The following SLC37A3 variants were observed in gnomAD, a reference collection of about 807,000 sequenced individuals.
SLC37A3 encodes the protein sugar phosphate exchanger 3.
In SLC37A3, 51 loss-of-function variants were observed where a neutral mutation model predicts 67.1. That is an observed-to-expected ratio of 0.76 (90% CI 0.61 to 0.96). The LOEUF is 0.96. SLC37A3 is among the 40% of genes least tolerant of loss of function. The pLI is 0.00. For synonymous variants in SLC37A3, 214 were observed against 231.4 expected, an observed-to-expected ratio of 0.92 and a Z score of 0.68; for missense variants, 508 against 603.0, an observed-to-expected ratio of 0.84 and a Z score of 1.65.
At chr7:140,395,710 A>AAAAT (rs1165927654) in intron 1 of SLC37A3, among the ~76,000 whole-genome samples, 73 of 152,142 alleles carry the variant, frequency 4.8e-4, no homozygotes, top group African/African-American at 1.1e-3. Context: ...TCTGTCTCAA[A>AAAAT]AAATAAATAA....
intron 5 of SLC37A3, among the ~76,000 whole-genome samples, chr7:140,361,811 C>T (rs372378832): frequency 0.036 from 5,198 of 142,692 alleles, 158 homozygotes; most frequent in South Asian, 0.065. Flanking sequence ...CTCGGCCTCC[C>T]GAGGTGCCGG....
chr7:140,367,351 C>T (rs1797643242), intron 4 of SLC37A3, among the ~76,000 whole-genome samples: 1 of 151,028 alleles, frequency 6.6e-6, no homozygotes, highest in Admixed American at 6.6e-5. Context: ...GCAGGAGAAT[C>T]ACTGGAACTA....
chr7:140,364,580 A>C (rs1797524998), intron 4 of SLC37A3, 89 bp from the exon 5 acceptor site: 1 of 1,199,074 alleles, frequency 8.3e-7, no homozygotes, highest in Admixed American at 2.1e-5. Flanking sequence ...AGACAAACAC[A>C]GATATTATTT....
intron 14 of SLC37A3, among the ~76,000 whole-genome samples, chr7:140,336,004 G>A (rs1348824800): frequency 6.6e-6 from 1 of 152,188 alleles, no homozygotes; most frequent in Non-Finnish European, 1.5e-5. Flanking sequence ...CACAGCAAGA[G>A]GACAGCTGCC....
chr7:140,387,666 ATATAT>A (rs1276350383), intron 1 of SLC37A3, among the ~76,000 whole-genome samples: 16 of 113,818 alleles, frequency 1.4e-4, no homozygotes, highest in East Asian at 1.1e-3. Flanking sequence ...ATAAATATAA[ATATAT>A]TATATATAAA....
At chr7:140,359,317 T>C (rs1416329032) in intron 5 of SLC37A3, among the ~76,000 whole-genome samples, 1 of 148,226 alleles carries the variant, frequency 6.7e-6, no homozygotes, top group Non-Finnish European at 1.5e-5. Context: ...CACTCCAGCC[T>C]GCGCGGGAGT....
chr7:140,337,480 C>T (rs1796189273), intron 13 of SLC37A3, 131 bp from the exon 14 acceptor site: 5 of 701,688 alleles, frequency 7.1e-6, no homozygotes, highest in African/African-American at 1.9e-5. Flanking sequence ...TTGCAGTTTA[C>T]AAAGCTCTTC....
At chr7:140,357,907 T>C in intron 6 of SLC37A3, among the ~76,000 whole-genome samples, 1 of 111,134 alleles carries the variant, frequency 9.0e-6, no homozygotes, top group South Asian at 2.8e-4. Flanking sequence ...CAAAACTCCA[T>C]CTCAAAAAAA....
At chr7:140,378,101 C>G (rs963926939) in intron 3 of SLC37A3, among the ~76,000 whole-genome samples, 14 of 152,158 alleles carry the variant, frequency 9.2e-5, no homozygotes, top group African/African-American at 1.2e-4. Flanking sequence ...TAAAGGCAGC[C>G]TTAGGCAGTA....
intron 6 of SLC37A3, among the ~76,000 whole-genome samples, 172 bp from the exon 7 acceptor site, chr7:140,355,936 T>C (rs184175179): frequency 6.6e-6 from 1 of 152,302 alleles, no homozygotes; most frequent in Non-Finnish European, 1.5e-5. Context: ...GGCTCACACC[T>C]GTAATCCCAG....
chr7:140,394,700 C>T (rs1798850283), intron 1 of SLC37A3, among the ~76,000 whole-genome samples: 1 of 151,036 alleles, frequency 6.6e-6, no homozygotes, highest in South Asian at 2.1e-4. Context: ...CCTCCGCCTC[C>T]CAGGTTCATG....
chr7:140,349,720 A>C (rs1796717427), intron 9 of SLC37A3, among the ~76,000 whole-genome samples: 2 of 152,212 alleles, frequency 1.3e-5, no homozygotes, highest in Admixed American at 1.3e-4. Flanking sequence ...GCCTGCTACA[A>C]AGACAAAGGA....
chr7:140,371,630 G>A (rs1168813073), intron 3 of SLC37A3, among the ~76,000 whole-genome samples: 10 of 152,044 alleles, frequency 6.6e-5, no homozygotes, highest in Admixed American at 6.6e-4. Context: ...AGAACCCATG[G>A]TTATTTTGTC....
chr7:140,342,386 A>G (rs1378886210), intron 13 of SLC37A3, among the ~76,000 whole-genome samples: 7 of 152,280 alleles, frequency 4.6e-5, no homozygotes, highest in Admixed American at 4.6e-4. Context: ...TACATCCATG[A>G]CCTTACTAAC....
At chr7:140,377,375 T>G (rs537062649) in intron 3 of SLC37A3, among the ~76,000 whole-genome samples, 1 of 152,248 alleles carries the variant, frequency 6.6e-6, no homozygotes, top group South Asian at 2.1e-4. Flanking sequence ...CAAGACACTT[T>G]AAATTCTCCT....
intron 3 of SLC37A3, among the ~76,000 whole-genome samples, chr7:140,377,916 C>A (rs142436141): frequency 4.6e-5 from 7 of 152,086 alleles, no homozygotes; most frequent in African/African-American, 1.4e-4. Flanking sequence ...ATGAGAGAGG[C>A]CTCTGGGAAG....
At chr7:140,344,383 G>A (rs542794023) in intron 12 of SLC37A3, among the ~76,000 whole-genome samples, 22 of 152,238 alleles carry the variant, frequency 1.4e-4, no homozygotes, top group African/African-American at 5.1e-4. Flanking sequence ...AGCTGAGATC[G>A]CACCACTGCA....
At chr7:140,397,029 G>A (rs1488920808) in intron 1 of SLC37A3, among the ~76,000 whole-genome samples, 3 of 150,390 alleles carry the variant, frequency 2.0e-5, no homozygotes, top group Non-Finnish European at 3.0e-5. Flanking sequence ...GTGAAACCCC[G>A]TCCCTACTAA....
At chr7:140,380,824 C>T (rs1401482326) in intron 2 of SLC37A3, among the ~76,000 whole-genome samples, 2 of 152,014 alleles carry the variant, frequency 1.3e-5, no homozygotes, top group African/African-American at 4.8e-5. Context: ...TCAAGCGATC[C>T]TCCCACCACT....
Sources: gnomAD v4.1 joint callset for allele counts (sites outside exome capture counted in the v4.1 genomes callset) on GRCh38, gnomAD v4.1.1 for gene constraint, MANE v1.5 for transcripts, NCBI Gene and HGNC (gene_info 2026-07-23, HGNC 2026-07-21) for gene names.